The following MED1 variants were observed in gnomAD, a reference collection of about 807,000 sequenced individuals.
MED1 encodes mediator of RNA polymerase II transcription subunit 1.
MED1 carries 17 observed loss-of-function variants against 121.3 expected under a neutral mutation model. The ratio of observed to expected loss-of-function variants is 0.14; its 90% CI spans 0.10 to 0.21. MED1 has a LOEUF of 0.21. MED1 is among the 10% of genes least tolerant of loss of function. The probability of loss-of-function intolerance (pLI) is 1.00; values close to 1 mark genes in which losing one functional copy is unlikely to be tolerated. For synonymous variants in MED1, 661 were observed against 694.4 expected (o/e 0.95, Z 0.76); for missense variants, 1,558 against 1,919.4 (o/e 0.81, Z 3.52).
At chr17:39,438,913 C>T (rs982170396) in intron 6 of MED1, among the ~76,000 whole-genome samples, 11 of 152,182 alleles carry the variant, frequency 7.2e-5, no homozygotes, top group Non-Finnish European at 1.6e-4. Context: ...CGCGCCACTG[C>T]ACTCCAGCCT....
chr17:39,415,867 G>A (rs1046162310), intron 14 of MED1, among the ~76,000 whole-genome samples: 2 of 146,300 alleles, frequency 1.4e-5, no homozygotes, highest in East Asian at 2.0e-4. Flanking sequence ...GCGCACACCT[G>A]TAATCCTAGC....
chr17:39,410,156 T>C lies in MED1; in HGVS notation c.2065A>G (p.Lys689Glu). The C allele has an allele frequency of 6.2e-7, 1 of 1,614,160 alleles. No homozygotes were observed. The highest frequency in any genetic ancestry group is 8.5e-7 in the Non-Finnish European group (1 of 1,180,028). The change falls in exon 17 of 17, where the codon AAA (lysine) becomes GAA (glutamate). Residue 689 changes from lysine to glutamate, a missense_variant. By Grantham distance (56) the Lys-to-Glu change is moderately conservative. This residue lies in a region of MED1 where 793 missense variants were observed against 898.2 expected (regional missense o/e 0.88). Transcript: ENST00000300651. Reference sequence around the variant, plus strand: ...GGTGGTAATCTTGATGACTTCTTTTTCTTGGTCTTGTTGCTCCCCGAGCAT... The same window carrying C: ...GGTGGTAATCTTGATGACTTCTTTTCCTTGGTCTTGTTGCTCCCCGAGCAT... Reference protein sequence around the residue: ...EICSGSNKTKKKKSSRLPPEK... With the variant: ...EICSGSNKTKEKKSSRLPPEK...
Position 39,408,590 on chromosome 17 carries a change from G to T in MED1, c.3631C>A (p.Pro1211Thr). 6.2e-7 allele frequency: 1 copy of T among 1,614,186 alleles called. No homozygotes were observed. The highest frequency in any genetic ancestry group is 1.3e-5 in the African/African-American group (1 of 75,058). Reference sequence around the variant, plus strand: ...GAGGATGGAGGAGTTCCAGGAACAGGCTTCATTGGAGAGGCAAGCTTGTCA... The same window carrying T: ...GAGGATGGAGGAGTTCCAGGAACAGTCTTCATTGGAGAGGCAAGCTTGTCA... ...GSDKLASPMK[P>T]VPGTPPSSKA... The change falls in exon 17 of 17, where the codon CCT becomes ACT. Residue 1211 changes from proline to threonine, a missense_variant. Physicochemically the swap from Pro to Thr is conservative, Grantham distance 38. Transcript: ENST00000300651. The surrounding 1 kb of genome is among the most constrained non-coding windows in gnomAD (Gnocchi z 4.7).
At chr17:39,443,483 G>A (rs2048698395) in intron 3 of MED1, 67 bp downstream of exon 3, 1 of 1,378,348 alleles carries the variant, frequency 7.3e-7, no homozygotes, top group South Asian at 1.2e-5. Flanking sequence ...TCTAGTTTAA[G>A]TATAAAATGG....
chr17:39,413,271 T>A (rs778567028), intron 16 of MED1, among the ~76,000 whole-genome samples: 8 of 152,188 alleles, frequency 5.3e-5, no homozygotes, highest in East Asian at 3.9e-4. Context: ...TTAGTTAGTT[T>A]GTTTGTTTTG....
intron 14 of MED1, among the ~76,000 whole-genome samples, chr17:39,419,269 G>A (rs1261327817): frequency 6.6e-6 from 1 of 151,546 alleles, no homozygotes; most frequent in Non-Finnish European, 1.5e-5. Flanking sequence ...TAGAGATGGG[G>A]TTTTGCCATG....
At chr17:39,437,785 T>A (rs1452013728) in intron 6 of MED1, among the ~76,000 whole-genome samples, 1 of 151,230 alleles carries the variant, frequency 6.6e-6, no homozygotes, top group Non-Finnish European at 1.5e-5. Flanking sequence ...AAATACAAAA[T>A]TAGCAGGGCG....
At chr17:39,433,444 C>T (rs961853007) in intron 7 of MED1, among the ~76,000 whole-genome samples, 1 of 151,412 alleles carries the variant, frequency 6.6e-6, no homozygotes, top group Admixed American at 6.6e-5. Context: ...CCCACCTCAG[C>T]CTCCCAAAGT....
Position 39,409,981 on chromosome 17 carries a change from G to C in MED1, c.2240C>G (p.Thr747Ser). 1.2e-6 allele frequency: 2 copies of C among 1,614,134 alleles called. No individual in the cohort carries two copies. Among genetic ancestry groups the C allele is most frequent in the Non-Finnish European group, 1.7e-6 (2 of 1,180,026 alleles). Reference sequence around the variant, plus strand: ...TGGTTGTGGGTAAGTTGTTGGGGGAGTGCTACACTGGCTTGGAGCTGGAGT... The same window carrying C: ...TGGTTGTGGGTAAGTTGTTGGGGGACTGCTACACTGGCTTGGAGCTGGAGT... ...HITPAPSQCS[T>S]PPTTYPQPVP... Residue 747 changes from threonine (T) to serine (S), a missense_variant, in exon 17 of 17, where the codon ACT becomes AGT. Physicochemically the swap from Thr to Ser is moderately conservative, Grantham distance 58 (BLOSUM62 1). Transcript: ENST00000300651.
intron 16 of MED1, among the ~76,000 whole-genome samples, chr17:39,411,457 C>G (rs910894504): frequency 2.0e-5 from 3 of 151,252 alleles, no homozygotes; most frequent in African/African-American, 4.9e-5. Flanking sequence ...CCTGTCTCTA[C>G]TAAAAATACA....
chr17:39,430,684 C>T (rs558298388), intron 9 of MED1, among the ~76,000 whole-genome samples: 1 of 118,878 alleles, frequency 8.4e-6, no homozygotes, highest in East Asian at 2.4e-4. Flanking sequence ...CAGAGCAAGA[C>T]TCCGTCTTAA....
rs2048498477 is a variant in MED1, at chr17:39,424,724, C to A, written c.754G>T (p.Gly252Cys). Residue 252 changes from glycine (G) to cysteine (C), a missense_variant, in exon 11 of 17, where the codon GGC (glycine) becomes TGC (cysteine). By Grantham distance (159) the Gly-to-Cys change is radical. This residue lies in a region of MED1 where 443 missense variants were observed against 532.4 expected (regional missense o/e 0.83). Transcript: ENST00000300651. ...LHENNVSRSL[G>C]MNASVTIEGT... Reference sequence around the variant, plus strand: ...TCAATTGTCACTGATGCATTCATGCCCAAAGATCGAGAAACTGGGGATAGG... The same window carrying A: ...TCAATTGTCACTGATGCATTCATGCACAAAGATCGAGAAACTGGGGATAGG... 1 of 1,603,632 alleles carries A rather than the reference C, an allele frequency of 6.2e-7. No homozygotes were observed. The highest frequency in any genetic ancestry group is 1.3e-5 in the African/African-American group (1 of 74,526).
rs2048289234 is a variant in MED1, at chr17:39,404,693, G to A, written c.*2782C>T. On this transcript the variant is annotated 3_prime_UTR_variant, in exon 17 of 17. Coordinates refer to ENST00000300651, the MANE Select transcript of MED1 (RefSeq NM_004774.4). ...GTTTCGTATACTGACATCTTTAAGTGACTCAACTGTGGATACTGTATGACT... is the reference window on the plus strand; with the variant it reads ...GTTTCGTATACTGACATCTTTAAGTAACTCAACTGTGGATACTGTATGACT... The A allele has an allele frequency of 6.6e-6, 1 of 152,292 alleles. No individual in the cohort carries two copies. Among genetic ancestry groups the A allele is most frequent in the Non-Finnish European group, 1.5e-5 (1 of 68,060 alleles). The allele number at this position is 152,292 out of a possible 1,614,324, so 9.4% of individuals were successfully genotyped here.
chr17:39,419,045 A>G (rs986004402), intron 14 of MED1, among the ~76,000 whole-genome samples: 3 of 152,102 alleles, frequency 2.0e-5, no homozygotes, highest in African/African-American at 7.2e-5. Flanking sequence ...TCGGCCTCCC[A>G]AAGTGCTGGG....
rs149895332 is a variant in MED1, at chr17:39,431,820, C to T, written c.575+122G>A. On this transcript the variant is annotated intron_variant, in intron 8 of 16. Transcript: ENST00000300651. ...TACTCAGAAGTTCAAATACAATCAT[C>T]ATTTTGGAAGAGAAAGGACATATTA... 206 of 636,810 alleles carry T rather than the reference C, an allele frequency of 3.2e-4. 1 individual carries two copies. In the African/African-American group the frequency reaches 3.4e-3, roughly 10 times the overall value. The allele number at this position is 636,810 out of a possible 1,614,324, so 39.4% of individuals were successfully genotyped here.
intron 9 of MED1, among the ~76,000 whole-genome samples, chr17:39,429,427 G>A (rs1198780770): frequency 6.6e-6 from 1 of 152,092 alleles, no homozygotes; most frequent in Non-Finnish European, 1.5e-5. Context: ...CAGGCGCAGT[G>A]GCTCACGCCT....
rs1217693637 is a variant in MED1 at position 39,443,616 on chromosome 17, C to T, written c.145G>A (p.Val49Met). Residue 49 changes from valine (V) to methionine (M), a missense_variant, in exon 3 of 17, where the codon GTG becomes ATG. Val to Met is a conservative substitution (Grantham distance 21). Transcript: ENST00000300651. ...TGTTGATGCCCTCCAGAACTCATCA[C>T]AACCCTCTTCTCCTGTGTCAAGTGG... is the stretch of plus-strand genomic sequence containing the variant. ...LVRQVMEKRV[V>M]MSSGGHQHLV... The T allele has an allele frequency of 2.5e-6, 4 of 1,613,656 alleles. No homozygotes were observed. In the African/African-American group the frequency reaches 5.3e-5, roughly 22 times the overall value.
intron 6 of MED1, among the ~76,000 whole-genome samples, chr17:39,434,609 C>A (rs1027363621): frequency 2.0e-5 from 3 of 152,156 alleles, no homozygotes; most frequent in African/African-American, 4.8e-5. Flanking sequence ...TATTAGCTCC[C>A]AAGCAATGAA....
At chr17:39,422,866 T>TTC (rs1555542520) in intron 13 of MED1, among the ~76,000 whole-genome samples, 3 of 140,582 alleles carry the variant, frequency 2.1e-5, no homozygotes, top group Non-Finnish European at 4.7e-5. Context: ...GAGATTTCTT[T>TTC]TTTTTTTTTT....
Sources: gnomAD v4.1 joint callset for allele counts (sites outside exome capture counted in the v4.1 genomes callset) on GRCh38, gnomAD v4.1.1 for gene constraint, gnomAD v4.1.1 regional missense constraint, Gnocchi (gnomAD v3.1) non-coding constraint, MANE v1.5 for transcripts, NCBI Gene and HGNC (gene_info 2026-07-23, HGNC 2026-07-21) for gene names.